RHOJ: variants seen among roughly 807,000 people sequenced by gnomAD.
RHOJ encodes the protein rho-related GTP-binding protein RhoJ.
A neutral mutation model predicts 23.4 loss-of-function variants in RHOJ; 11 were observed. The ratio of observed to expected loss-of-function variants is 0.47; its 90% CI spans 0.30 to 0.78. The LOEUF is 0.78. RHOJ is among the 30% of genes least tolerant of loss of function. The pLI, the probability that RHOJ is intolerant of heterozygous loss-of-function variation, is 0.08. For missense variants in RHOJ, 254 were observed against 273.4 expected (o/e 0.93, Z 0.50); for synonymous variants, 102 against 102.7 (o/e 0.99, Z 0.04).
intron 2 of RHOJ, among the ~76,000 whole-genome samples, chr14:63,271,078 C>T (rs951867916): frequency 6.6e-6 from 1 of 152,126 alleles, no homozygotes; most frequent in Admixed American, 6.5e-5. Flanking sequence ...TATCTTTAAA[C>T]TCCACATCAA....
intron 1 of RHOJ, 150 bp from the exon 2 acceptor site, chr14:63,268,960 G>T: frequency 1.7e-6 from 1 of 595,238 alleles, no homozygotes; most frequent in Non-Finnish European, 3.0e-6. Flanking sequence ...TGGAAATTAT[G>T]CTGTCAACTT....
At chr14:63,226,154 T>A (rs1894590803) in intron 1 of RHOJ, among the ~76,000 whole-genome samples, 1 of 152,006 alleles carries the variant, frequency 6.6e-6, no homozygotes, top group Admixed American at 6.6e-5. Flanking sequence ...GAGGAAAAAA[T>A]CAGCAACATT....
chr14:63,266,407 G>C (rs1266387361), intron 1 of RHOJ, among the ~76,000 whole-genome samples: 1 of 152,094 alleles, frequency 6.6e-6, no homozygotes, highest in Non-Finnish European at 1.5e-5. Flanking sequence ...GGTTTACTTT[G>C]GAATGCCCTT....
chr14:63,256,027 C>A (rs1199083722), intron 1 of RHOJ, among the ~76,000 whole-genome samples: 1 of 152,036 alleles, frequency 6.6e-6, no homozygotes, highest in East Asian at 1.9e-4. Flanking sequence ...TGCCACCTGG[C>A]TAACTGTTTT....
intron 1 of RHOJ, among the ~76,000 whole-genome samples, chr14:63,234,364 T>C (rs906191062): frequency 6.6e-6 from 1 of 152,202 alleles, no homozygotes; most frequent in African/African-American, 2.4e-5. Flanking sequence ...GCAGATATCA[T>C]GTTCTGTTGT....
intron 1 of RHOJ, among the ~76,000 whole-genome samples, chr14:63,256,442 AG>A (rs144117081): frequency 1.7e-3 from 264 of 152,086 alleles, no homozygotes; most frequent in African/African-American, 5.9e-3. Context: ...TTGTGATTGG[AG>A]GGGAGGGAGA....
intron 1 of RHOJ, among the ~76,000 whole-genome samples, chr14:63,220,139 T>A (rs1185432593): frequency 6.6e-6 from 1 of 152,182 alleles, no homozygotes; most frequent in Non-Finnish European, 1.5e-5. Context: ...GAAGAAATAA[T>A]GCAAGTCTAT....
At chr14:63,216,049 C>T (rs1471781587) in intron 1 of RHOJ, among the ~76,000 whole-genome samples, 2 of 152,128 alleles carry the variant, frequency 1.3e-5, no homozygotes, top group African/African-American at 4.8e-5. Flanking sequence ...ATATTGTAAG[C>T]ACCATGAGCA....
chr14:63,283,339 A>G lies in RHOJ; in HGVS notation c.498+123A>G, dbSNP rs555801963. 6.1e-5 allele frequency: 49 copies of G among 797,918 alleles called. No homozygotes were observed. In the African/African-American group the frequency reaches 6.2e-4, roughly 10 times the overall value. 49.4% of individuals were successfully genotyped at this position (797,918 alleles called of 1,614,324 possible). A position where few individuals can be genotyped will look rare whatever the true frequency, so the allele number is the denominator to read the frequency against. On this transcript the variant is annotated intron_variant, in intron 4 of 4. Coordinates refer to ENST00000316754, the MANE Select transcript of RHOJ (RefSeq NM_020663.5). ...GTGCAATGTGTTTAGAATCTTCTCT[A>G]AGCTTTCTATTCTCCCCCTCTGTTC...
At chr14:63,282,106 C>T (rs1186050889) in intron 3 of RHOJ, among the ~76,000 whole-genome samples, 3 of 152,132 alleles carry the variant, frequency 2.0e-5, no homozygotes, top group Non-Finnish European at 4.4e-5. Flanking sequence ...GAAAGATAAT[C>T]GTTTGTTTAA....
At chr14:63,210,356 A>C (rs1435368392) in intron 1 of RHOJ, among the ~76,000 whole-genome samples, 1 of 152,198 alleles carries the variant, frequency 6.6e-6, no homozygotes, top group African/African-American at 2.4e-5. Flanking sequence ...CTTCATCTAC[A>C]TTATGTTCAA....
At chr14:63,248,269 G>A (rs1036511557) in intron 1 of RHOJ, among the ~76,000 whole-genome samples, 1 of 152,004 alleles carries the variant, frequency 6.6e-6, no homozygotes, top group Non-Finnish European at 1.5e-5. Flanking sequence ...TTTATGTCAA[G>A]GCAAATGCAA....
chr14:63,220,527 T>C (rs1290927746), intron 1 of RHOJ, among the ~76,000 whole-genome samples: 2 of 151,786 alleles, frequency 1.3e-5, no homozygotes, highest in Admixed American at 1.3e-4. Flanking sequence ...AATTCAGGTC[T>C]CAGAAACAAG....
intron 1 of RHOJ, among the ~76,000 whole-genome samples, chr14:63,250,488 C>T (rs1895049923): frequency 6.6e-6 from 1 of 152,160 alleles, no homozygotes; most frequent in South Asian, 2.1e-4. Context: ...ATCTGCCCAC[C>T]TTGGCCTCCC....
intron 1 of RHOJ, among the ~76,000 whole-genome samples, 198 bp from the exon 2 acceptor site, chr14:63,268,912 C>G (rs1031546491): frequency 1.3e-5 from 2 of 152,172 alleles, no homozygotes; most frequent in African/African-American, 4.8e-5. Context: ...TTGGCTCAGA[C>G]CATCTGCCAT....
At chr14:63,254,756 C>T (rs1163571231) in intron 1 of RHOJ, among the ~76,000 whole-genome samples, 1 of 152,130 alleles carries the variant, frequency 6.6e-6, no homozygotes. Flanking sequence ...CATGCCCACA[C>T]AGGCTGCCAT....
At chr14:63,240,355 C>A (rs1894861989) in intron 1 of RHOJ, among the ~76,000 whole-genome samples, 1 of 152,148 alleles carries the variant, frequency 6.6e-6, no homozygotes, top group South Asian at 2.1e-4. Context: ...GCATGAGATA[C>A]TACTATATTA....
chr14:63,284,555 T>C (rs1350043628), intron 4 of RHOJ, among the ~76,000 whole-genome samples: 1 of 152,254 alleles, frequency 6.6e-6, no homozygotes, highest in African/African-American at 2.4e-5. Context: ...CTCGTGTACC[T>C]GACCGTCACG....
intron 1 of RHOJ, among the ~76,000 whole-genome samples, chr14:63,268,290 A>G (rs1023784428): frequency 2.6e-5 from 4 of 152,078 alleles, no homozygotes; most frequent in African/African-American, 9.7e-5. Context: ...CAATCTGTTC[A>G]ATCTCAGTTT....
Sources: allele counts gnomAD v4.1 joint callset (sites outside exome capture counted in the v4.1 genomes callset), GRCh38; gene constraint gnomAD v4.1.1; transcripts MANE v1.5; gene names NCBI Gene and HGNC (gene_info 2026-07-23, HGNC 2026-07-21).